Variants in ICOS observed in about 807,000 individuals in gnomAD.
The protein encoded by ICOS is inducible T cell costimulator.
Under a neutral mutation model 24.6 loss-of-function variants are expected in ICOS, and 15 were observed. The ratio of observed to expected loss-of-function variants is 0.61; its 90% CI spans 0.41 to 0.94. The LOEUF (loss-of-function observed/expected upper bound fraction) is 0.94. Among genes scored for constraint, ICOS ranks in the 40% least tolerant of loss-of-function variants. ICOS has a pLI of 0.00. For missense variants in ICOS, 200 were observed against 233.0 expected, an observed-to-expected ratio of 0.86 and a Z score of 0.92; for synonymous variants, 89 against 77.5, an observed-to-expected ratio of 1.15 and a Z score of -0.78.
rs772088014 is a variant in ICOS, at chr2:203,956,641, C to A, written c.395-18C>A. On this transcript the variant is annotated intron_variant, in intron 2 of 4. Transcript: ENST00000316386. The stretch of plus-strand genomic sequence containing the variant: ...TTCAGCAGAATTTTTCATTAACATA[C>A]CTTTTTTTCCAATCCAGAATCACAA... The A allele has an allele frequency of 3.2e-6, 5 of 1,565,826 alleles. No individual in the cohort carries two copies. Among genetic ancestry groups the A allele is most frequent in the Non-Finnish European group, 3.5e-6 (4 of 1,136,122 alleles).
intron 1 of ICOS, among the ~76,000 whole-genome samples, chr2:203,941,583 T>G (rs542971985): frequency 6.6e-6 from 1 of 152,358 alleles, no homozygotes; most frequent in South Asian, 2.1e-4. Context: ...AATGACTTAC[T>G]GGGCTTTGCA....
At position 203,957,842 on chromosome 2, in the gene ICOS, T is replaced by C. The variant is rs1250451593; in HGVS notation, c.545T>C (p.Phe182Ser). ...SVHDPNGEYMFMRAVNTAKKS... is the reference protein window; with the variant it reads ...SVHDPNGEYMSMRAVNTAKKS... ...CACGACCCTAACGGTGAATACATGT[T>C]CATGAGAGCAGTGAACACAGCCAAA... The change falls in exon 4 of 5, where the codon TTC becomes TCC. Residue 182 changes from phenylalanine (F) to serine (S), a missense_variant. Phe to Ser is a radical substitution (Grantham distance 155). Coordinates refer to ENST00000316386, the MANE Select transcript of ICOS (RefSeq NM_012092.4). 2 of 1,613,612 alleles carry C rather than the reference T, an allele frequency of 1.2e-6. No homozygotes were observed. The highest frequency in any genetic ancestry group is 1.1e-5 in the South Asian group (1 of 91,066).
chr2:203,940,118 A>G (rs980129438), intron 1 of ICOS, among the ~76,000 whole-genome samples: 1 of 152,198 alleles, frequency 6.6e-6, no homozygotes. Flanking sequence ...TTGAATGTCT[A>G]CTTGTTTATC....
chr2:203,951,937 T>C (rs558653550), intron 1 of ICOS, among the ~76,000 whole-genome samples: 1 of 152,324 alleles, frequency 6.6e-6, no homozygotes, highest in African/African-American at 2.4e-5. Context: ...CAACAGTTTT[T>C]TTTTCTTTGC....
rs1581606822 is a variant in ICOS at position 203,956,572 on chromosome 2, A to C, written c.395-87A>C. On this transcript the variant is annotated intron_variant, in intron 2 of 4. Coordinates refer to ENST00000316386, the MANE Select transcript of ICOS (RefSeq NM_012092.4). ...CATGACTATAATAAAGAAAAGCTTC[A>C]TTTGATTAAATAGCTCTTTTAAATT... 4.3e-6 allele frequency: 4 copies of C among 921,150 alleles called. No homozygotes were observed. The East Asian group carries it at 9.6e-5, about 22-fold the overall frequency. The allele number at this position is 921,150 out of a possible 1,614,324, so 57.1% of individuals were successfully genotyped here. A position where few individuals can be genotyped will look rare whatever the true frequency, so the allele number is the denominator to read the frequency against.
At position 203,959,944 on chromosome 2, in the gene ICOS, G is replaced by C; in HGVS notation, c.*345G>C. On this transcript the variant is annotated 3_prime_UTR_variant, in exon 5 of 5. Transcript: ENST00000316386. ...ACATTTACAAGAAAAATGTTTTAAA[G>C]ATGCCAGGGGTACTGAATCTGCAAA... The C allele has an allele frequency of 2.5e-6, 1 of 394,686 alleles. No individual in the cohort carries two copies. Among genetic ancestry groups the C allele is most frequent in the Non-Finnish European group, 4.8e-6 (1 of 207,980 alleles). The allele number at this position is 394,686 out of a possible 1,614,324, so 24.4% of individuals were successfully genotyped here.
intron 4 of ICOS, 36 bp downstream of exon 4, chr2:203,957,919 G>A (rs376095811): frequency 5.3e-6 from 7 of 1,310,800 alleles, no homozygotes; most frequent in African/African-American, 1.5e-5. Context: ...AAGGGAAGAG[G>A]TTTCTTCACA....
chr2:203,956,349 G>A (rs2105754558), intron 2 of ICOS, among the ~76,000 whole-genome samples: 1 of 152,258 alleles, frequency 6.6e-6, no homozygotes, highest in Admixed American at 6.5e-5. Flanking sequence ...GTGGAATGAA[G>A]TATGATGATT....
chr2:203,949,061 G>A (rs1293265259), intron 1 of ICOS, among the ~76,000 whole-genome samples: 1 of 152,236 alleles, frequency 6.6e-6, no homozygotes, highest in Admixed American at 6.5e-5. Flanking sequence ...GATTATGCAT[G>A]TAAGAAGGTC....
chr2:203,954,808 T>G (rs1477685454), intron 1 of ICOS, among the ~76,000 whole-genome samples: 2 of 150,690 alleles, frequency 1.3e-5, no homozygotes, highest in Admixed American at 1.3e-4. Context: ...TATTTGTATA[T>G]ATACACACAC....
chr2:203,941,823 A>G (rs1689780941), intron 1 of ICOS, among the ~76,000 whole-genome samples: 1 of 152,238 alleles, frequency 6.6e-6, no homozygotes, highest in Non-Finnish European at 1.5e-5. Flanking sequence ...GATATGTCAC[A>G]CAAATTGAAA....
chr2:203,950,208 G>A (rs1294396526), intron 1 of ICOS, among the ~76,000 whole-genome samples: 1 of 152,232 alleles, frequency 6.6e-6, no homozygotes, highest in Admixed American at 6.5e-5. Flanking sequence ...AGGGGCCTAG[G>A]TCTAGGCTGA....
At chr2:203,957,035 A>G (rs774002770) in intron 3 of ICOS, among the ~76,000 whole-genome samples, 26 of 152,204 alleles carry the variant, frequency 1.7e-4, no homozygotes, top group Non-Finnish European at 2.2e-4. Context: ...AGATGAGGAA[A>G]TTGAGGTCAA....
Position 203,959,639 on chromosome 2 carries a change from G to T in ICOS, c.*40G>T, listed in dbSNP as rs202183147. On this transcript the variant is annotated 3_prime_UTR_variant, in exon 5 of 5. Coordinates refer to ENST00000316386, the MANE Select transcript of ICOS (RefSeq NM_012092.4). ...ACCCAGGCATGAAGCACGTTGGCCAGTTTTCCTCAACTTGAAGTGCAAGAT... is the reference window on the plus strand; with the variant it reads ...ACCCAGGCATGAAGCACGTTGGCCATTTTTCCTCAACTTGAAGTGCAAGAT... 7.5e-6 allele frequency: 12 copies of T among 1,602,908 alleles called. No individual in the cohort carries two copies. The East Asian group carries it at 2.2e-4, about 30-fold the overall frequency.
chr2:203,940,459 T>C (rs1689745729), intron 1 of ICOS, among the ~76,000 whole-genome samples: 1 of 152,188 alleles, frequency 6.6e-6, no homozygotes, highest in Non-Finnish European at 1.5e-5. Context: ...TCTCTTATTT[T>C]CGTTAAATAC....
At chr2:203,944,300 T>C (rs552517120) in intron 1 of ICOS, among the ~76,000 whole-genome samples, 10 of 152,172 alleles carry the variant, frequency 6.6e-5, no homozygotes, top group South Asian at 4.1e-4. Flanking sequence ...TGGGGACCCA[T>C]TGAGCTCCCA....
chr2:203,936,960 AGACAGTG>A, intron 1 of ICOS, 88 bp downstream of exon 1: 1 of 996,582 alleles, frequency 1.0e-6, no homozygotes, highest in Non-Finnish European at 1.6e-6. Context: ...CGCACCCAAA[AGACAGTG>A]GTTTTGGTTT....
At chr2:203,946,705 A>C (rs867038568) in intron 1 of ICOS, among the ~76,000 whole-genome samples, 1 of 152,172 alleles carries the variant, frequency 6.6e-6, no homozygotes, top group Non-Finnish European at 1.5e-5. Flanking sequence ...AAAACATCAA[A>C]TATAACTAAA....
At chr2:203,937,988 A>G (rs1689690607) in intron 1 of ICOS, among the ~76,000 whole-genome samples, 1 of 152,344 alleles carries the variant, frequency 6.6e-6, no homozygotes, top group African/African-American at 2.4e-5. Flanking sequence ...TTCTTCATTC[A>G]TCCATTTACT....
Sources: gnomAD v4.1 joint callset for allele counts (sites outside exome capture counted in the v4.1 genomes callset) on GRCh38, gnomAD v4.1.1 for gene constraint, MANE v1.5 for transcripts, NCBI Gene and HGNC (gene_info 2026-07-23, HGNC 2026-07-21) for gene names.